ESYT2: variants seen among roughly 807,000 people sequenced by gnomAD.
ESYT2 encodes extended synaptotagmin 2, also known as extended synaptotagmin-2.
Under a neutral mutation model 107.2 loss-of-function variants are expected in ESYT2, and 54 were observed. That is an observed-to-expected ratio of 0.50 (90% CI 0.40 to 0.63). The LOEUF (loss-of-function observed/expected upper bound fraction) is 0.63. ESYT2 is among the 30% of genes least tolerant of loss of function. ESYT2 has a pLI of 0.00. For synonymous variants in ESYT2, 491 were observed against 434.1 expected (o/e 1.13, Z -1.63); for missense variants, 1,020 against 1,094.5 (o/e 0.93, Z 0.96).
intron 6 of ESYT2, among the ~76,000 whole-genome samples, chr7:158,783,777 C>G (rs1839011329): frequency 6.6e-6 from 1 of 152,240 alleles, no homozygotes; most frequent in Non-Finnish European, 1.5e-5. Flanking sequence ...GCACCTGCAT[C>G]CCCGGTGTGC....
At chr7:158,779,109 G>A (rs893683953) in intron 6 of ESYT2, among the ~76,000 whole-genome samples, 1 of 152,170 alleles carries the variant, frequency 6.6e-6, no homozygotes, top group Non-Finnish European at 1.5e-5. Flanking sequence ...AAACTATCTA[G>A]ATAAAACTTC....
chr7:158,756,417 G>GA (rs1352683991), intron 13 of ESYT2, among the ~76,000 whole-genome samples: 1 of 152,232 alleles, frequency 6.6e-6, no homozygotes, highest in East Asian at 1.9e-4. Flanking sequence ...TGTCTTAAAA[G>GA]AAAGTGAATC....
At chr7:158,789,456 A>G (rs965007359) in intron 4 of ESYT2, among the ~76,000 whole-genome samples, 37 of 152,080 alleles carry the variant, frequency 2.4e-4, no homozygotes, top group African/African-American at 7.0e-4. Context: ...ATCTGGGTTC[A>G]GGTGATTCTC....
chr7:158,780,399 C>T (rs1301786856), intron 6 of ESYT2, among the ~76,000 whole-genome samples: 2 of 152,206 alleles, frequency 1.3e-5, no homozygotes, highest in Non-Finnish European at 2.9e-5. Flanking sequence ...TACCCTTTTA[C>T]TTTTGAAGTT....
intron 6 of ESYT2, among the ~76,000 whole-genome samples, chr7:158,782,478 A>AAAGTGAG (rs1838929246): frequency 1.2e-5 from 1 of 85,576 alleles, no homozygotes; most frequent in African/African-American, 3.0e-5. Flanking sequence ...GTGTGAGAAC[A>AAAGTGAG]GTGAGAGGTG....
intron 1 of ESYT2, among the ~76,000 whole-genome samples, chr7:158,814,041 A>G (rs1419289419): frequency 6.6e-6 from 1 of 151,966 alleles, no homozygotes; most frequent in Non-Finnish European, 1.5e-5. Flanking sequence ...TGGGAGGCCG[A>G]GGCAGGTGGA....
intron 1 of ESYT2, among the ~76,000 whole-genome samples, chr7:158,812,294 C>A (rs1347891710): frequency 1.3e-5 from 2 of 152,138 alleles, no homozygotes; most frequent in East Asian, 3.8e-4. Flanking sequence ...CCACTATGGC[C>A]AATTTCAAGC....
At chr7:158,801,708 T>C (rs1176525312) in intron 1 of ESYT2, among the ~76,000 whole-genome samples, 2 of 152,222 alleles carry the variant, frequency 1.3e-5, no homozygotes, top group South Asian at 2.1e-4. Context: ...ATATTATCTG[T>C]ATGAACTAGA....
intron 4 of ESYT2, among the ~76,000 whole-genome samples, chr7:158,793,384 T>C (rs1338206604): frequency 1.3e-5 from 2 of 152,208 alleles, no homozygotes; most frequent in Non-Finnish European, 2.9e-5. Flanking sequence ...TTTATCAATG[T>C]TCATAAAGAA....
At chr7:158,800,174 G>C (rs371255974) in intron 1 of ESYT2, among the ~76,000 whole-genome samples, 84 of 151,094 alleles carry the variant, frequency 5.6e-4, no homozygotes, top group African/African-American at 2.0e-3. Flanking sequence ...TCAGCCTCCT[G>C]AGTAGCTGGG....
At chr7:158,770,664 G>A (rs1483280809) in intron 7 of ESYT2, among the ~76,000 whole-genome samples, 7 of 151,918 alleles carry the variant, frequency 4.6e-5, no homozygotes, top group Non-Finnish European at 8.8e-5. Context: ...ACAGGCGCCT[G>A]CCACCATGCC....
At chr7:158,816,954 C>T (rs767297325) in intron 1 of ESYT2, among the ~76,000 whole-genome samples, 5 of 152,198 alleles carry the variant, frequency 3.3e-5, no homozygotes, top group Admixed American at 6.5e-5. Flanking sequence ...ACTTACTAGC[C>T]ATTTAAAGAT....
intron 1 of ESYT2, among the ~76,000 whole-genome samples, chr7:158,826,938 G>A (rs1250651706): frequency 2.6e-5 from 4 of 151,938 alleles, no homozygotes; most frequent in African/African-American, 9.7e-5. Flanking sequence ...GCCAAGGCAG[G>A]CGGAACACAA....
chr7:158,780,087 A>C (rs887776748), intron 6 of ESYT2, among the ~76,000 whole-genome samples: 1 of 152,260 alleles, frequency 6.6e-6, no homozygotes, highest in Non-Finnish European at 1.5e-5. Context: ...CTAAACTTTA[A>C]AGTACAATTT....
At chr7:158,765,694 C>T (rs1838133468) in intron 8 of ESYT2, among the ~76,000 whole-genome samples, 1 of 152,104 alleles carries the variant, frequency 6.6e-6, no homozygotes, top group Non-Finnish European at 1.5e-5. Flanking sequence ...TGAGATGGCG[C>T]CACTGCATTC....
chr7:158,731,971 C>A lies in ESYT2; in HGVS notation c.*2236G>T, dbSNP rs1406768826. 1 of 152,164 alleles carries A rather than the reference C, an allele frequency of 6.6e-6. No homozygotes were observed. The highest frequency in any genetic ancestry group is 1.5e-5 in the Non-Finnish European group (1 of 68,050). 9.4% of individuals were successfully genotyped at this position (152,164 alleles called of 1,614,324 possible). ...ATGGAGGCAGCTACTGGAGGCCAAG[C>A]ACCTCCAGGCACTCAAGGCCCTGGG... On this transcript the variant is annotated 3_prime_UTR_variant, in exon 23 of 23. Coordinates refer to ENST00000275418, the MANE Select transcript of ESYT2 (RefSeq NM_001367773.1).
rs932680850 is a variant in ESYT2 at position 158,757,541 on chromosome 7, C to T, written c.1419+1945G>A. Among the ~76,000 whole-genome samples, 14 of 151,660 alleles carry T rather than the reference C, an allele frequency of 9.2e-5. No homozygotes were observed. The East Asian group carries it at 2.7e-3, about 30-fold the overall frequency. On this transcript the variant is annotated intron_variant, in intron 13 of 22. Coordinates refer to ENST00000275418, the MANE Select transcript of ESYT2 (RefSeq NM_001367773.1). ...GAGGCAGAGCCAAAGGATCCCAGAG[C>T]TCGCGGGACGCCCCTTAATCCAGCG...
chr7:158,810,343 T>C (rs549080518), intron 1 of ESYT2, among the ~76,000 whole-genome samples: 36 of 152,272 alleles, frequency 2.4e-4, no homozygotes, highest in African/African-American at 8.2e-4. Context: ...TATTTGTCAA[T>C]ACAAGAAATG....
At chr7:158,766,326 C>A (rs73729988) in intron 8 of ESYT2, among the ~76,000 whole-genome samples, 15,364 of 152,196 alleles carry the variant, frequency 0.1, 1,184 homozygotes, top group East Asian at 0.43. Flanking sequence ...ATTGACAGCA[C>A]CGGCTGTTAA....
Sources: allele counts gnomAD v4.1 joint callset (sites outside exome capture counted in the v4.1 genomes callset), GRCh38; gene constraint gnomAD v4.1.1; transcripts MANE v1.5; gene names NCBI Gene and HGNC (gene_info 2026-07-23, HGNC 2026-07-21).